The following PLCL1 variants were observed in gnomAD, a reference collection of about 807,000 sequenced individuals.
PLCL1 encodes inactive phospholipase C-like protein 1.
A neutral mutation model predicts 84.4 loss-of-function variants in PLCL1; 41 were observed. The ratio of observed to expected loss-of-function variants is 0.49; its 90% CI spans 0.38 to 0.63. PLCL1 has a LOEUF of 0.63. PLCL1 is among the 30% of genes least tolerant of loss of function. The probability of loss-of-function intolerance (pLI) is 0.00; values close to 1 mark genes in which losing one functional copy is unlikely to be tolerated. For missense variants in PLCL1, 1,206 were observed against 1,367.8 expected (o/e 0.88, Z 1.87); for synonymous variants, 490 against 488.3 (o/e 1.00, Z -0.05).
At chr2:198,005,801 T>C (rs938144368) in intron 1 of PLCL1, among the ~76,000 whole-genome samples, 1 of 152,202 alleles carries the variant, frequency 6.6e-6, no homozygotes, top group Admixed American at 6.5e-5. Context: ...ACAGCCGATA[T>C]CACAAAAGGC....
At chr2:197,848,303 CA>C (rs1687159177) in intron 1 of PLCL1, among the ~76,000 whole-genome samples, 1 of 152,082 alleles carries the variant, frequency 6.6e-6, no homozygotes, top group Non-Finnish European at 1.5e-5. Flanking sequence ...GAAGAAAAAT[CA>C]GGGAAGGAGA....
intron 1 of PLCL1, among the ~76,000 whole-genome samples, chr2:197,909,289 T>A (rs1688440548): frequency 1.3e-5 from 2 of 152,296 alleles, no homozygotes; most frequent in South Asian, 4.1e-4. Context: ...TTTGAAAGAA[T>A]GTTATTAAAA....
At chr2:198,015,848 A>G (rs1349318810) in intron 1 of PLCL1, among the ~76,000 whole-genome samples, 1 of 152,198 alleles carries the variant, frequency 6.6e-6, no homozygotes, top group Non-Finnish European at 1.5e-5. Flanking sequence ...TTGAGTGCTC[A>G]TTTGAAAACA....
At chr2:197,922,946 CG>C (rs1160936213) in intron 1 of PLCL1, among the ~76,000 whole-genome samples, 4 of 116,526 alleles carry the variant, frequency 3.4e-5, no homozygotes, top group African/African-American at 3.3e-5. Flanking sequence ...GCTGGCCGGG[CG>C]GGGGGCTGAC....
At chr2:198,137,619 G>A (rs1347386412) in intron 5 of PLCL1, among the ~76,000 whole-genome samples, 1 of 152,058 alleles carries the variant, frequency 6.6e-6, no homozygotes, top group Admixed American at 6.6e-5. Context: ...AAAAATCCTT[G>A]TACTGTGTTT....
intron 1 of PLCL1, among the ~76,000 whole-genome samples, chr2:197,943,627 C>CTTTTTTTTTTTTTTTTTT (rs5837573): frequency 3.4e-5 from 4 of 119,208 alleles, no homozygotes; most frequent in Non-Finnish European, 3.4e-5. Flanking sequence ...TTGGTTACAT[C>CTTTTTTTTTTTTTTTTTT]TTTTTTTTTT....
intron 1 of PLCL1, among the ~76,000 whole-genome samples, chr2:198,043,421 G>C (rs1402770854): frequency 1.3e-5 from 2 of 152,180 alleles, no homozygotes; most frequent in African/African-American, 2.4e-5. Flanking sequence ...GTGAAGTCCT[G>C]TGTTAGGAGC....
chr2:198,102,736 A>G (rs1359072891), intron 4 of PLCL1, among the ~76,000 whole-genome samples: 2 of 152,110 alleles, frequency 1.3e-5, no homozygotes. Flanking sequence ...CTTTCTTCAA[A>G]TATCTAAAAG....
At chr2:197,956,978 G>C (rs574170455) in intron 1 of PLCL1, among the ~76,000 whole-genome samples, 19 of 151,966 alleles carry the variant, frequency 1.3e-4, no homozygotes, top group East Asian at 1.9e-4. Flanking sequence ...TGGTGTTTTT[G>C]TCATGAAGTC....
intron 1 of PLCL1, among the ~76,000 whole-genome samples, chr2:198,056,184 A>G (rs922226242): frequency 3.3e-5 from 5 of 152,228 alleles, no homozygotes; most frequent in Non-Finnish European, 7.3e-5. Context: ...CATGTTGTTT[A>G]TCACACTATT....
At chr2:198,088,171 A>T (rs1183661724) in intron 2 of PLCL1, among the ~76,000 whole-genome samples, 1 of 152,168 alleles carries the variant, frequency 6.6e-6, no homozygotes, top group African/African-American at 2.4e-5. Flanking sequence ...GATAAAGTGT[A>T]TCCAGGTAGC....
chr2:197,903,462 A>G (rs1211888629), intron 1 of PLCL1, among the ~76,000 whole-genome samples: 1 of 110,254 alleles, frequency 9.1e-6, no homozygotes, highest in Non-Finnish European at 1.9e-5. Context: ...TTTTTACTCC[A>G]TTTAAATTTT....
At chr2:197,873,599 C>T (rs934973844) in intron 1 of PLCL1, among the ~76,000 whole-genome samples, 1 of 152,112 alleles carries the variant, frequency 6.6e-6, no homozygotes, top group African/African-American at 2.4e-5. Flanking sequence ...TTGTGGCTAT[C>T]CCTGGGACTC....
Position 198,085,774 on chromosome 2 carries a change from G to C in PLCL1, c.2257G>C (p.Glu753Gln). Residue 753 changes from glutamate to glutamine, a missense_variant, in exon 2 of 6, where the codon GAG becomes CAG. Coordinates refer to ENST00000428675, the MANE Select transcript of PLCL1 (RefSeq NM_006226.4). The surrounding 1 kb of genome is among the most constrained non-coding windows in gnomAD (Gnocchi z 5.3). ...TGTCATAGATCCCTATGTTTGTATA[G>C]AGATACACGGAATTCCAGCGGATTG... is the stretch of plus-strand genomic sequence containing the variant. ...GDVIDPYVCI[E>Q]IHGIPADCSE... 6.2e-7 allele frequency: 1 copy of C among 1,614,066 alleles called. No homozygotes were observed. The highest frequency in any genetic ancestry group is 2.2e-5 in the East Asian group (1 of 44,884).
intron 1 of PLCL1, among the ~76,000 whole-genome samples, chr2:197,903,768 G>C (rs1182049660): frequency 7.0e-6 from 1 of 142,914 alleles, no homozygotes; most frequent in Admixed American, 7.2e-5. Flanking sequence ...CTCCCAAAGT[G>C]CTGGGATTAC....
chr2:197,894,508 A>T (rs918582817), intron 1 of PLCL1, among the ~76,000 whole-genome samples: 2 of 151,996 alleles, frequency 1.3e-5, no homozygotes, highest in African/African-American at 2.4e-5. Flanking sequence ...GTTCTTTGTC[A>T]GTATAACTAG....
intron 1 of PLCL1, among the ~76,000 whole-genome samples, chr2:197,843,319 A>G (rs1246291212): frequency 1.3e-5 from 2 of 152,202 alleles, no homozygotes; most frequent in Non-Finnish European, 2.9e-5. Flanking sequence ...TACATTCTTC[A>G]TGTGTGATTC....
intron 5 of PLCL1, among the ~76,000 whole-genome samples, chr2:198,107,023 C>T (rs534297290): frequency 6.5e-4 from 99 of 151,978 alleles, no homozygotes; most frequent in Non-Finnish European, 1.1e-3. Flanking sequence ...CTAATAAAGA[C>T]GTACCCGAGA....
intron 1 of PLCL1, among the ~76,000 whole-genome samples, chr2:197,962,697 AG>A (rs1197597187): frequency 6.6e-6 from 1 of 151,998 alleles, no homozygotes; most frequent in Admixed American, 6.6e-5. Context: ...ATTCATTCTA[AG>A]TATGATTTTG....
Sources: allele counts gnomAD v4.1 joint callset (sites outside exome capture counted in the v4.1 genomes callset), GRCh38; gene constraint gnomAD v4.1.1; non-coding constraint Gnocchi (gnomAD v3.1); transcripts MANE v1.5; gene names NCBI Gene and HGNC (gene_info 2026-07-23, HGNC 2026-07-21).